Variants in FREM1 observed in about 807,000 individuals in gnomAD.
The protein encoded by FREM1 is FRAS1-related extracellular matrix protein 1.
Under a neutral mutation model 210.1 loss-of-function variants are expected in FREM1, and 220 were observed. The observed-to-expected ratio is 1.05, with a 90% CI of 0.94 to 1.17. The LOEUF (loss-of-function observed/expected upper bound fraction) is 1.17, where lower values mean the gene tolerates loss of function less well. Among genes scored for constraint, FREM1 ranks in the 50% most tolerant of loss-of-function variants. The pLI is 0.00. For missense variants in FREM1, 3,454 were observed against 2,675.5 expected, an observed-to-expected ratio of 1.29 and a Z score of -6.42; for synonymous variants, 1,189 against 980.2, an observed-to-expected ratio of 1.21 and a Z score of -3.98.
intron 27 of FREM1, among the ~76,000 whole-genome samples, chr9:14,760,430 T>C (rs1015362155): frequency 6.6e-6 from 1 of 152,192 alleles, no homozygotes; most frequent in Non-Finnish European, 1.5e-5. Flanking sequence ...ATGTGTTTCA[T>C]AAGTGTTATT....
At chr9:14,769,313 A>T (rs567199404) in intron 27 of FREM1, among the ~76,000 whole-genome samples, 1 of 152,290 alleles carries the variant, frequency 6.6e-6, no homozygotes, top group Non-Finnish European at 1.5e-5. Context: ...CTTCTTGACT[A>T]CCTCATTTCC....
chr9:14,837,655 T>C (rs1489959191), intron 10 of FREM1, among the ~76,000 whole-genome samples: 1 of 152,190 alleles, frequency 6.6e-6, no homozygotes, highest in Admixed American at 6.5e-5. Context: ...GCCTCACTGA[T>C]CCACACTATG....
chr9:14,873,337 C>G (rs1833069264), intron 1 of FREM1, among the ~76,000 whole-genome samples: 2 of 152,162 alleles, frequency 1.3e-5, no homozygotes. Flanking sequence ...ATTATTGCCA[C>G]AATTTCAGAG....
In FREM1 at chr9:14,882,290, G is replaced by A. The variant is rs116594142; in HGVS notation, c.-267-13046C>T. On this transcript the variant is annotated intron_variant, in intron 1 of 36. Coordinates refer to ENST00000380880, the MANE Select transcript of FREM1 (RefSeq NM_001379081.2). ...TATATCATAGTAAACCCTTAACTGA[G>A]AGATAAGGTCAAAGTCCAAGATCCT... 7.1e-3 allele frequency among the ~76,000 whole-genome samples: 1,082 copies of A among 152,116 alleles called. 13 individuals carry two copies. Among genetic ancestry groups the A allele is most frequent in the African/African-American group, 0.024 (1,014 of 41,464 alleles).
At chr9:14,822,167 GCT>G (rs1348738898) in intron 13 of FREM1, among the ~76,000 whole-genome samples, 1 of 152,132 alleles carries the variant, frequency 6.6e-6, no homozygotes, top group African/African-American at 2.4e-5. Context: ...TGGTTGTGAG[GCT>G]TCCCTAGCCA....
chr9:14,839,900 G>T (rs1329087756), intron 10 of FREM1, among the ~76,000 whole-genome samples: 1 of 152,110 alleles, frequency 6.6e-6, no homozygotes, highest in East Asian at 1.9e-4. Context: ...ATAAACTAAG[G>T]TTTCAAGCAA....
In FREM1 at chr9:14,836,329, T is replaced by C. The variant is rs938986081; in HGVS notation, c.1881+5118A>G. Reference sequence around the variant, plus strand: ...ATTATTATCCTTATAACTGGGATAATAGTTACTGACAAAAAGAAAGCGTAA... The same window carrying C: ...ATTATTATCCTTATAACTGGGATAACAGTTACTGACAAAAAGAAAGCGTAA... On this transcript the variant is annotated intron_variant, in intron 10 of 36. Coordinates refer to ENST00000380880, the MANE Select transcript of FREM1 (RefSeq NM_001379081.2). The surrounding 1 kb of genome is among the most constrained non-coding windows in gnomAD (Gnocchi z 4.9). 6.6e-6 allele frequency among the ~76,000 whole-genome samples: 1 copy of C among 152,232 alleles called. No individual in the cohort carries two copies. The highest frequency in any genetic ancestry group is 2.1e-4 in the South Asian group (1 of 4,834).
chr9:14,773,944 A>T lies in FREM1; in HGVS notation c.4857+1845T>A, dbSNP rs556030912. 2.2e-4 allele frequency: 84 copies of T among 389,502 alleles called. 1 individual carries two copies. The highest frequency in any genetic ancestry group is 1.6e-3 in the South Asian group (83 of 50,320). The allele number at this position is 389,502 out of a possible 1,614,324, so 24.1% of individuals were successfully genotyped here. On this transcript the variant is annotated intron_variant, in intron 25 of 36. Transcript: ENST00000380880. ...ACAGTACAGAGACTGGTATCAACCTAGGTTAGGGGAGTTAGGAATAAAAAA... is the reference window on the plus strand; with the variant it reads ...ACAGTACAGAGACTGGTATCAACCTTGGTTAGGGGAGTTAGGAATAAAAAA...
In FREM1 at chr9:14,812,858, G is replaced by C; in HGVS notation, c.2847C>G (p.Phe949Leu). The C allele has an allele frequency of 2.5e-6, 4 of 1,613,776 alleles. No homozygotes were observed. The highest frequency in any genetic ancestry group is 2.5e-6 in the Non-Finnish European group (3 of 1,179,786). ...VRRAGVTVDQ[F>L]SQRDVISEAV... Reference sequence around the variant, plus strand: ...CCTCTGAGATAACATCTCTCTGAGAGAACTGATCCACTGTGACTCCAGCTC... The same window carrying C: ...CCTCTGAGATAACATCTCTCTGAGACAACTGATCCACTGTGACTCCAGCTC... Residue 949 changes from phenylalanine (F) to leucine (L), a missense_variant, in exon 16 of 37, where the codon TTC becomes TTG. By Grantham distance (22) the Phe-to-Leu change is conservative. Transcript: ENST00000380880.
At chr9:14,830,774 A>G (rs1564027153) in intron 10 of FREM1, among the ~76,000 whole-genome samples, 1 of 152,182 alleles carries the variant, frequency 6.6e-6, no homozygotes, top group Non-Finnish European at 1.5e-5. Flanking sequence ...CATGAGGGCC[A>G]AGACCCTTGG....
chr9:14,876,296 G>A (rs1833725461), intron 1 of FREM1, among the ~76,000 whole-genome samples: 1 of 152,200 alleles, frequency 6.6e-6, no homozygotes, highest in South Asian at 2.1e-4. Flanking sequence ...GCCTACAGAG[G>A]CAGGCAGGTC....
intron 24 of FREM1, 51 bp from the exon 25 acceptor site, chr9:14,776,254 C>T (rs972807050): frequency 2.7e-6 from 4 of 1,495,446 alleles, no homozygotes; most frequent in Non-Finnish European, 3.6e-6. Flanking sequence ...GTGTCACCAT[C>T]TACTGGAATG....
chr9:14,879,277 G>T (rs1834358658), intron 1 of FREM1, among the ~76,000 whole-genome samples: 1 of 151,192 alleles, frequency 6.6e-6, no homozygotes. Flanking sequence ...TGGGATATAT[G>T]GAAAAAGTCC....
intron 13 of FREM1, 144 bp from the exon 14 acceptor site, chr9:14,819,586 A>C (rs539755731): frequency 5.2e-6 from 3 of 574,986 alleles, no homozygotes; most frequent in South Asian, 2.8e-5. Context: ...ATAAGTTCAT[A>C]GCTAGACATT....
intron 35 of FREM1, among the ~76,000 whole-genome samples, chr9:14,743,502 C>T (rs1169287468): frequency 6.6e-6 from 1 of 152,050 alleles, no homozygotes; most frequent in African/African-American, 2.4e-5. Flanking sequence ...AAAAAACACA[C>T]TTGGCAATGT....
chr9:14,850,985 T>C (rs1827623514), intron 6 of FREM1, among the ~76,000 whole-genome samples: 1 of 152,250 alleles, frequency 6.6e-6, no homozygotes, highest in Non-Finnish European at 1.5e-5. Flanking sequence ...ACATGAGTGC[T>C]ACAGCAACAG....
intron 19 of FREM1, among the ~76,000 whole-genome samples, chr9:14,802,121 A>G (rs573113485): frequency 1.9e-4 from 29 of 152,304 alleles, no homozygotes; most frequent in African/African-American, 5.3e-4. Context: ...TGAAGGACAA[A>G]GGACATATAA....
chr9:14,866,591 G>A (rs1831563945), intron 2 of FREM1, among the ~76,000 whole-genome samples: 1 of 152,178 alleles, frequency 6.6e-6, no homozygotes, highest in African/African-American at 2.4e-5. Context: ...CAAACTGGAA[G>A]ACAGCTTAGA....
At chr9:14,851,233 A>T in intron 6 of FREM1, 51 bp downstream of exon 6, 1 of 1,396,052 alleles carries the variant, frequency 7.2e-7, no homozygotes, top group Non-Finnish European at 9.8e-7. Flanking sequence ...GGGGTTCTTA[A>T]ATAACCCTGT....
Sources: allele counts gnomAD v4.1 joint callset (sites outside exome capture counted in the v4.1 genomes callset), GRCh38; gene constraint gnomAD v4.1.1; non-coding constraint Gnocchi (gnomAD v3.1); transcripts MANE v1.5; gene names NCBI Gene and HGNC (gene_info 2026-07-23, HGNC 2026-07-21).